NHSL1: variants seen among roughly 807,000 people sequenced by gnomAD.
NHSL1 encodes NHS like 1, also known as NHS-like protein 1.
Under a neutral mutation model 95.0 loss-of-function variants are expected in NHSL1, and 48 were observed. The observed-to-expected ratio is 0.51, with a 90% confidence interval of 0.40 to 0.64. The LOEUF (loss-of-function observed/expected upper bound fraction) is 0.64. Among genes scored for constraint, NHSL1 ranks in the 30% least tolerant of loss-of-function variants. NHSL1 has a pLI of 0.00. For synonymous variants in NHSL1, 783 were observed against 833.9 expected, an observed-to-expected ratio of 0.94 and a Z score of 1.05; for missense variants, 1,971 against 2,077.7, an observed-to-expected ratio of 0.95 and a Z score of 1.00.
chr6:138,612,309 T>C (rs1251596144), intron 1 of NHSL1, among the ~76,000 whole-genome samples: 3 of 151,982 alleles, frequency 2.0e-5, no homozygotes, highest in Admixed American at 1.3e-4. Flanking sequence ...GAAACACTAA[T>C]ACAAGAACTG....
intron 1 of NHSL1, among the ~76,000 whole-genome samples, chr6:138,615,724 G>A (rs374901628): frequency 3.3e-5 from 5 of 152,230 alleles, no homozygotes; most frequent in African/African-American, 7.2e-5. Flanking sequence ...GCCTGCCTTG[G>A]CCTCCCAAAG....
intron 1 of NHSL1, among the ~76,000 whole-genome samples, chr6:138,641,934 CCATGTTCTCTAA>C: frequency 6.6e-6 from 1 of 152,194 alleles, no homozygotes; most frequent in East Asian, 1.9e-4. Flanking sequence ...TAACAAATTT[CCATGTTCTCTAA>C]CATATCATTT....
chr6:138,512,357 G>A (rs914246902), intron 1 of NHSL1: 1 of 454,124 alleles, frequency 2.2e-6, no homozygotes, highest in African/African-American at 2.0e-5. Flanking sequence ...ATAAATCCCA[G>A]AGCATCTATG....
chr6:138,555,820 A>G (rs528860686), intron 1 of NHSL1, among the ~76,000 whole-genome samples: 6 of 152,306 alleles, frequency 3.9e-5, no homozygotes, highest in African/African-American at 1.4e-4. Context: ...TGTCAAAATT[A>G]AAGAGACTAA....
intron 1 of NHSL1, among the ~76,000 whole-genome samples, chr6:138,603,257 C>T (rs1352570558): frequency 6.6e-6 from 1 of 151,456 alleles, no homozygotes; most frequent in Non-Finnish European, 1.5e-5. Context: ...GTCATGTTGC[C>T]CAGGCTGGTC....
rs1775884334 is a variant in NHSL1, at chr6:138,433,790, A to C, written c.665-110T>G. 5 of 1,390,864 alleles carry C rather than the reference A, an allele frequency of 3.6e-6. No individual in the cohort carries two copies. The East Asian group carries it at 7.8e-5, about 22-fold the overall frequency. The allele number at this position is 1,390,864 out of a possible 1,614,324, so 86.2% of individuals were successfully genotyped here. A position where few individuals can be genotyped will look rare whatever the true frequency, so the allele number is the denominator to read the frequency against. ...TTAAAAAAATTTTTCTATTTGATTT[A>C]ATTTCCTTTCTCCTGTAGGTATCTA... is the stretch of plus-strand genomic sequence containing the variant. On this transcript the variant is annotated intron_variant, in intron 5 of 7. Transcript: ENST00000343505.
intron 1 of NHSL1, among the ~76,000 whole-genome samples, chr6:138,566,047 T>C (rs907731334): frequency 2.0e-5 from 3 of 152,070 alleles, no homozygotes; most frequent in African/African-American, 7.2e-5. Context: ...TTATAATAAT[T>C]GCATGAGACA....
rs145527082 is a variant in NHSL1, at chr6:138,610,935, G to A, written c.96+81541C>T. On this transcript the variant is annotated intron_variant, in intron 1 of 3. Transcript: ENST00000491526. ...TCTAACAAAAATACAAAAATTAGCC[G>A]GGTGTGTTGGCGCATGCCTGTAATT... Among the ~76,000 whole-genome samples, 1,395 of 152,158 alleles carry A rather than the reference G, an allele frequency of 9.2e-3. 20 individuals carry two copies. The highest frequency in any genetic ancestry group is 8.8e-3 in the Non-Finnish European group (600 of 68,012).
At chr6:138,563,455 C>T (rs1783487867) in intron 1 of NHSL1, among the ~76,000 whole-genome samples, 1 of 152,108 alleles carries the variant, frequency 6.6e-6, no homozygotes, top group Non-Finnish European at 1.5e-5. Flanking sequence ...GACACTTCCA[C>T]AACTGGAAAT....
intron 1 of NHSL1, among the ~76,000 whole-genome samples, chr6:138,654,674 T>C (rs1257305246): frequency 1.3e-5 from 2 of 152,238 alleles, no homozygotes; most frequent in South Asian, 2.1e-4. Flanking sequence ...GATTCCTCCA[T>C]AAAATGCTCC....
chr6:138,504,247 G>C (rs1780841835), upstream of NHSL1, among the ~76,000 whole-genome samples: 1 of 151,834 alleles, frequency 6.6e-6, no homozygotes, highest in African/African-American at 2.4e-5. Context: ...AAAAGAAAGA[G>C]AGAGAGAGAG....
intron 1 of NHSL1, among the ~76,000 whole-genome samples, chr6:138,608,851 G>A (rs1427104759): frequency 6.6e-6 from 1 of 152,130 alleles, no homozygotes; most frequent in Non-Finnish European, 1.5e-5. Context: ...TAGGGGATTA[G>A]GAAGAAATCT....
At chr6:138,443,745 GCT>G (rs1491047948) in intron 4 of NHSL1, among the ~76,000 whole-genome samples, 112 of 152,318 alleles carry the variant, frequency 7.4e-4, no homozygotes, top group African/African-American at 2.4e-3. Flanking sequence ...TGGAAGGATC[GCT>G]TGAGCCTGGG....
intron 1 of NHSL1, among the ~76,000 whole-genome samples, chr6:138,609,016 A>G (rs1784472623): frequency 6.6e-6 from 1 of 152,228 alleles, no homozygotes; most frequent in African/African-American, 2.4e-5. Context: ...GCAAATTTAC[A>G]TGCATACACT....
At chr6:138,512,028 C>T (rs1367427878) in intron 1 of NHSL1, among the ~76,000 whole-genome samples, 1 of 152,204 alleles carries the variant, frequency 6.6e-6, no homozygotes, top group Non-Finnish European at 1.5e-5. Context: ...ACTTGTATCA[C>T]CTCATCTGAA....
intron 1 of NHSL1, among the ~76,000 whole-genome samples, chr6:138,653,413 G>A: frequency 6.6e-6 from 1 of 152,096 alleles, no homozygotes; most frequent in East Asian, 1.9e-4. Context: ...AACTAGCCAG[G>A]CGTAGTGGCA....
intron 1 of NHSL1, among the ~76,000 whole-genome samples, chr6:138,531,667 C>G (rs1782140112): frequency 6.6e-6 from 1 of 151,786 alleles, no homozygotes; most frequent in African/African-American, 2.4e-5. Context: ...ACCTGGCTAA[C>G]TTTTTTGTCT....
chr6:138,460,528 C>T (rs532295970), intron 3 of NHSL1, among the ~76,000 whole-genome samples: 2 of 151,526 alleles, frequency 1.3e-5, no homozygotes, highest in South Asian at 4.2e-4. Context: ...CTTTACATAG[C>T]ATTTACATTA....
intron 1 of NHSL1, among the ~76,000 whole-genome samples, chr6:138,652,331 C>T (rs1020891503): frequency 2.6e-5 from 4 of 151,604 alleles, no homozygotes; most frequent in African/African-American, 2.4e-5. Context: ...ATCCCAGCTA[C>T]TCGGGAGGTT....
Sources: allele counts gnomAD v4.1 joint callset (sites outside exome capture counted in the v4.1 genomes callset), GRCh38; gene constraint gnomAD v4.1.1; transcripts MANE v1.5; gene names NCBI Gene and HGNC (gene_info 2026-07-23, HGNC 2026-07-21).